The following PRH1 variants were observed in gnomAD, a reference collection of about 807,000 sequenced individuals.
The protein encoded by PRH1 is salivary acidic proline-rich phosphoprotein 1/2.
Under a neutral mutation model 7.9 loss-of-function variants are expected in PRH1, and 7 were observed. The observed-to-expected ratio is 0.89, with a 90% CI of 0.50 to 1.67. The LOEUF is 1.67. PRH1 is among the 40% of genes most tolerant of loss of function. The pLI is 0.00. For missense variants in PRH1, 109 were observed against 223.6 expected (o/e 0.49, Z 3.27); for synonymous variants, 45 against 80.8 (o/e 0.56, Z 2.38).
intron 1 of PRH1, among the ~76,000 whole-genome samples, chr12:11,030,226 A>AAC (rs5796420): frequency 1.5e-5 from 2 of 131,536 alleles, no homozygotes; most frequent in Non-Finnish European, 3.5e-5. Flanking sequence ...TACACACATA[A>AAC]ACACACACAT....
intron 2 of PRH1, among the ~76,000 whole-genome samples, chr12:10,966,580 C>T (rs997775573): frequency 6.6e-6 from 1 of 152,138 alleles, no homozygotes; most frequent in African/African-American, 2.4e-5. Context: ...GAACTTGGCC[C>T]ATCTCATATC....
chr12:11,020,188 T>C (rs971126042), intron 1 of PRH1, among the ~76,000 whole-genome samples: 2 of 152,240 alleles, frequency 1.3e-5, no homozygotes, highest in East Asian at 1.9e-4. Flanking sequence ...TTTTCACTGA[T>C]TTACCACATC....
rs566087148 is a variant in PRH1 at position 11,005,822 on chromosome 12, G to A, written c.-125-32101C>T. On this transcript the variant is annotated intron_variant, in intron 1 of 3. Coordinates refer to the PRH1 transcript ENST00000539853. ...AAGCTTTTGAATAAGTTATTCTCTCGAATCTAGCTAATATTTAAATATGAA... is the reference window on the plus strand; with the variant it reads ...AAGCTTTTGAATAAGTTATTCTCTCAAATCTAGCTAATATTTAAATATGAA... The A allele has an allele frequency of 3.3e-5, 5 of 151,962 alleles. No individual in the cohort carries two copies. In the South Asian group the frequency reaches 6.2e-4, roughly 19 times the overall value. 9.4% of individuals were successfully genotyped at this position (151,962 alleles called of 1,614,324 possible). A position where few individuals can be genotyped will look rare whatever the true frequency, so the allele number is the denominator to read the frequency against.
downstream of PRH1, among the ~76,000 whole-genome samples, chr12:11,118,026 C>T (rs1246969453): frequency 6.6e-6 from 1 of 152,100 alleles, no homozygotes; most frequent in South Asian, 2.1e-4. Flanking sequence ...AGTAGTAATA[C>T]CCTACAAGTA....
chr12:10,964,106 CATG>C (rs1421300493), intron 2 of PRH1, among the ~76,000 whole-genome samples: 1 of 152,122 alleles, frequency 6.6e-6, no homozygotes, highest in African/African-American at 2.4e-5. Flanking sequence ...TCAAATGAAA[CATG>C]ATAATATGAA....
intron 1 of PRH1, among the ~76,000 whole-genome samples, chr12:11,151,866 G>C (rs1484982654): frequency 1.3e-5 from 2 of 151,820 alleles, no homozygotes; most frequent in African/African-American, 4.8e-5. Flanking sequence ...TTAGTGAGTT[G>C]ATTATCATAA....
chr12:10,884,114 C>T, intron 1 of PRH1, 40 bp downstream of exon 1: 1 of 1,613,354 alleles, frequency 6.2e-7, no homozygotes, highest in Non-Finnish European at 8.5e-7. Context: ...GCCTGTAAAC[C>T]CCAATCAGAG....
At chr12:10,908,340 A>G (rs1949835902) in intron 2 of PRH1, 1 of 1,527,828 alleles carries the variant, frequency 6.5e-7, no homozygotes, top group African/African-American at 1.4e-5. Flanking sequence ...TCTGTCTGCA[A>G]TATTCAATAA....
intron 1 of PRH1, among the ~76,000 whole-genome samples, chr12:10,977,092 A>C (rs1939137830): frequency 6.6e-6 from 1 of 152,116 alleles, no homozygotes; most frequent in African/African-American, 2.4e-5. Flanking sequence ...TAATACCTAA[A>C]CTTTTCAGAG....
intron 1 of PRH1, among the ~76,000 whole-genome samples, chr12:11,124,944 T>C (rs763337960): frequency 6.6e-6 from 1 of 151,986 alleles, no homozygotes. Context: ...CCTGGTTCAA[T>C]TGATTATCCT....
At chr12:10,969,657 A>AT (rs1938700456) in intron 2 of PRH1, among the ~76,000 whole-genome samples, 1 of 146,392 alleles carries the variant, frequency 6.8e-6, no homozygotes, top group South Asian at 2.1e-4. Flanking sequence ...GTTTTTTTGC[A>AT]TTTTCATATG....
At chr12:10,991,046 T>A (rs1939908263) in intron 1 of PRH1, among the ~76,000 whole-genome samples, 1 of 152,192 alleles carries the variant, frequency 6.6e-6, no homozygotes, top group Admixed American at 6.5e-5. Context: ...TCAAATGACT[T>A]CTTAGAGAAA....
chr12:10,941,137 G>A (rs376419652), intron 2 of PRH1, among the ~76,000 whole-genome samples: 2 of 152,138 alleles, frequency 1.3e-5, no homozygotes, highest in Admixed American at 6.6e-5. Context: ...CATGGTGGGT[G>A]GGGGGTTGTG....
chr12:11,166,561 G>C (rs1340349939), intron 1 of PRH1, among the ~76,000 whole-genome samples: 6 of 152,134 alleles, frequency 3.9e-5, no homozygotes, highest in African/African-American at 1.4e-4. Context: ...TAAAGATCCA[G>C]AACATGTGTA....
At chr12:11,108,768 CAGA>C (rs1259242769) in intron 1 of PRH1, among the ~76,000 whole-genome samples, 2 of 152,166 alleles carry the variant, frequency 1.3e-5, no homozygotes, top group Admixed American at 6.5e-5. Context: ...AAGCTAGCTG[CAGA>C]AGTTTTTTGT....
intron 1 of PRH1, among the ~76,000 whole-genome samples, chr12:10,883,942 C>T (rs544051577): frequency 3.4e-4 from 52 of 152,208 alleles, no homozygotes; most frequent in Admixed American, 1.4e-3. Flanking sequence ...ACCCCTAGTA[C>T]GAATTCTTTA....
chr12:10,903,931 C>CAAAAAAAAAAAAAAAACAA (rs1949760658), intron 2 of PRH1, among the ~76,000 whole-genome samples: 1 of 31,106 alleles, frequency 3.2e-5, no homozygotes, highest in Non-Finnish European at 6.7e-5. Context: ...ACAATAGCCT[C>CAAAAAAAAAAAAAAAACAA]AAAAAAAAAA....
intron 2 of PRH1, among the ~76,000 whole-genome samples, chr12:10,932,999 TTAAA>T (rs1417628687): frequency 2.0e-5 from 3 of 152,000 alleles, no homozygotes; most frequent in South Asian, 2.1e-4. Context: ...ATTTAAAAGA[TTAAA>T]TGAATGAGAA....
chr12:11,001,680 A>C (rs1440090388), intron 1 of PRH1, among the ~76,000 whole-genome samples: 1 of 152,148 alleles, frequency 6.6e-6, no homozygotes, highest in Admixed American at 6.6e-5. Flanking sequence ...AAATATCCAG[A>C]AAGTTAAATT....
Sources: allele counts gnomAD v4.1 joint callset (sites outside exome capture counted in the v4.1 genomes callset), GRCh38; gene constraint gnomAD v4.1.1; transcripts MANE v1.5; gene names NCBI Gene and HGNC (gene_info 2026-07-23, HGNC 2026-07-21).